The following MSH3 variants were observed in gnomAD, a reference collection of about 807,000 sequenced individuals.
MSH3 encodes mutS homolog 3, also known as DNA mismatch repair protein Msh3.
In MSH3, 106 loss-of-function variants were observed where a neutral mutation model predicts 123.3. The ratio of observed to expected loss-of-function variants is 0.86; its 90% confidence interval spans 0.73 to 1.01. The LOEUF (loss-of-function observed/expected upper bound fraction) is 1.01. MSH3 is among the 50% of genes least tolerant of loss of function. MSH3 has a pLI of 0.00. For synonymous variants in MSH3, 515 were observed against 481.4 expected (o/e 1.07, Z -0.91); for missense variants, 1,459 against 1,347.6 (o/e 1.08, Z -1.29).
intron 8 of MSH3, among the ~76,000 whole-genome samples, chr5:80,723,240 G>A (rs1751125046): frequency 1.3e-5 from 2 of 152,150 alleles, no homozygotes; most frequent in Admixed American, 1.3e-4. Flanking sequence ...GAGCAAGGTA[G>A]GGACCTTGCC....
At chr5:80,858,875 T>C (rs2112111817) in intron 21 of MSH3, among the ~76,000 whole-genome samples, 1 of 152,336 alleles carries the variant, frequency 6.6e-6, no homozygotes, top group South Asian at 2.1e-4. Context: ...CCTCATGTAG[T>C]TTGACATTCT....
At position 80,721,663 on chromosome 5, in the gene MSH3, A is replaced by G. The variant is rs560047398; in HGVS notation, c.1341-3790A>G. ...TTGAGATGCAGTTATAGTGTAGTAC[A>G]TGTTATCTGTGGGTTTTAGTTTGGT... On this transcript the variant is annotated intron_variant, in intron 8 of 23. Coordinates refer to ENST00000265081, the MANE Select transcript of MSH3 (RefSeq NM_002439.5). Among the ~76,000 whole-genome samples, 38 of 152,286 alleles carry G rather than the reference A, an allele frequency of 2.5e-4. 1 individual carries two copies. In the South Asian group the frequency reaches 7.4e-3, roughly 30 times the overall value.
chr5:80,693,069 G>A, intron 8 of MSH3, among the ~76,000 whole-genome samples: 2 of 120,666 alleles, frequency 1.7e-5, no homozygotes, highest in Non-Finnish European at 1.8e-5. Flanking sequence ...AAATATACAT[G>A]CACATGTATA....
At chr5:80,843,836 T>C (rs1392923629) in intron 20 of MSH3, among the ~76,000 whole-genome samples, 1 of 152,130 alleles carries the variant, frequency 6.6e-6, no homozygotes, top group Non-Finnish European at 1.5e-5. Context: ...TCAATTTTGT[T>C]GATCTTTTCA....
Position 80,827,796 on chromosome 5 carries a change from A to T in MSH3, c.2813+14055A>T, listed in dbSNP as rs186114725. Among the ~76,000 whole-genome samples the T allele has an allele frequency of 4.9e-3, 744 of 152,322 alleles. 4 individuals are homozygous for T. Among genetic ancestry groups the T allele is most frequent in the African/African-American group, 0.017 (691 of 41,576 alleles). ...AAGGTTTGGTTTGATTTGGTTTTAA[A>T]TGCAAATCCCAGGCAAATCTTCTGA... is the stretch of plus-strand genomic sequence containing the variant. On this transcript the variant is annotated intron_variant, in intron 20 of 23. Coordinates refer to ENST00000265081, the MANE Select transcript of MSH3 (RefSeq NM_002439.5).
chr5:80,756,042 T>C (rs1416769312), intron 12 of MSH3, among the ~76,000 whole-genome samples: 1 of 151,666 alleles, frequency 6.6e-6, no homozygotes, highest in African/African-American at 2.4e-5. Flanking sequence ...AAATACAAAA[T>C]AGAATAAAAA....
Position 80,837,451 on chromosome 5 carries a change from C to T in MSH3, c.2814-16679C>T, listed in dbSNP as rs138779625. Among the ~76,000 whole-genome samples the T allele has an allele frequency of 5.3e-3, 805 of 152,106 alleles. 7 individuals are homozygous for T. The highest frequency in any genetic ancestry group is 0.018 in the African/African-American group (766 of 41,492). ...AAAATTAGCCAGGCATGGTGGTGCACGCCTGTGGTCCCAGCTACTCAGGAG... is the reference window on the plus strand; with the variant it reads ...AAAATTAGCCAGGCATGGTGGTGCATGCCTGTGGTCCCAGCTACTCAGGAG... On this transcript the variant is annotated intron_variant, in intron 20 of 23. Transcript: ENST00000265081.
At position 80,864,998 on chromosome 5, in the gene MSH3, A is replaced by T. The variant is rs925254926; in HGVS notation, c.3130+56A>T. The T allele has an allele frequency of 1.9e-6, 3 of 1,553,380 alleles. No individual in the cohort carries two copies. The African/African-American group carries it at 4.1e-5, about 21-fold the overall frequency. On this transcript the variant is annotated intron_variant, in intron 22 of 23. Coordinates refer to ENST00000265081, the MANE Select transcript of MSH3 (RefSeq NM_002439.5). ...ATTGGTTTTCATGTTTGATAACTCAAAGTTTGTTGGAACATGAACTTACTG... is the reference window on the plus strand; with the variant it reads ...ATTGGTTTTCATGTTTGATAACTCATAGTTTGTTGGAACATGAACTTACTG...
intron 11 of MSH3, among the ~76,000 whole-genome samples, chr5:80,742,156 C>T (rs1348896627): frequency 6.6e-6 from 1 of 152,132 alleles, no homozygotes; most frequent in African/African-American, 2.4e-5. Flanking sequence ...ATTACAGGCA[C>T]CTGCCACCAC....
At chr5:80,677,763 T>C (rs1340892987) in intron 7 of MSH3, among the ~76,000 whole-genome samples, 1 of 152,218 alleles carries the variant, frequency 6.6e-6, no homozygotes, top group African/African-American at 2.4e-5. Flanking sequence ...GTGTGTGTAT[T>C]CTTTTGGGTT....
At chr5:80,795,210 G>T (rs1182398757) in intron 19 of MSH3, among the ~76,000 whole-genome samples, 1 of 152,122 alleles carries the variant, frequency 6.6e-6, no homozygotes, top group Non-Finnish European at 1.5e-5. Flanking sequence ...AGAGGGGGAT[G>T]TGAAGGGAAA....
chr5:80,849,807 C>T (rs1372064486), intron 20 of MSH3, among the ~76,000 whole-genome samples: 2 of 152,106 alleles, frequency 1.3e-5, no homozygotes, highest in African/African-American at 4.8e-5. Flanking sequence ...GACATTTTCC[C>T]CATTGTCTTG....
chr5:80,805,442 AT>A (rs1340908307), intron 19 of MSH3, among the ~76,000 whole-genome samples: 1 of 152,356 alleles, frequency 6.6e-6, no homozygotes, highest in East Asian at 1.9e-4. Context: ...ATTAGAATTT[AT>A]TCATTAGAAA....
intron 8 of MSH3, among the ~76,000 whole-genome samples, chr5:80,682,798 C>G (rs1272309411): frequency 6.6e-6 from 1 of 152,058 alleles, no homozygotes; most frequent in Non-Finnish European, 1.5e-5. Flanking sequence ...CATTCTGTTG[C>G]ACTATCAAAT....
chr5:80,813,001 A>G (rs1745035635), intron 19 of MSH3, among the ~76,000 whole-genome samples: 1 of 152,212 alleles, frequency 6.6e-6, no homozygotes, highest in South Asian at 2.1e-4. Context: ...GGAAAATACT[A>G]TAATTGATCA....
intron 21 of MSH3, chr5:80,855,915 A>G (rs1432766646): frequency 1.8e-5 from 2 of 112,050 alleles, no homozygotes; most frequent in African/African-American, 7.1e-5. Flanking sequence ...AAATGGGTTC[A>G]CTCTGTCACT....
chr5:80,703,554 G>A (rs1038704544), intron 8 of MSH3, among the ~76,000 whole-genome samples: 2 of 152,022 alleles, frequency 1.3e-5, no homozygotes, highest in African/African-American at 4.8e-5. Flanking sequence ...GTCACACTCT[G>A]TCATTTTCCT....
At chr5:80,762,745 GTTTTA>G (rs1284376509) in intron 13 of MSH3, among the ~76,000 whole-genome samples, 9 of 135,286 alleles carry the variant, frequency 6.7e-5, no homozygotes, top group African/African-American at 8.5e-5. Context: ...ATTTTATTTT[GTTTTA>G]TTTTGTTTTA....
intron 20 of MSH3, among the ~76,000 whole-genome samples, chr5:80,841,420 A>G (rs1046764934): frequency 6.6e-6 from 1 of 152,250 alleles, no homozygotes; most frequent in African/African-American, 2.4e-5. Context: ...GTATATACCC[A>G]GTAATGGGAT....
Sources: allele counts gnomAD v4.1 joint callset (sites outside exome capture counted in the v4.1 genomes callset), GRCh38; gene constraint gnomAD v4.1.1; transcripts MANE v1.5; gene names NCBI Gene and HGNC (gene_info 2026-07-23, HGNC 2026-07-21).